The following ZSCAN5A variants were observed in gnomAD, a reference collection of about 807,000 sequenced individuals.
The protein encoded by ZSCAN5A is zinc finger and SCAN domain containing 5A.
In ZSCAN5A, 12 loss-of-function variants were observed where a neutral mutation model predicts 23.7. The ratio of observed to expected loss-of-function variants is 0.51; its 90% CI spans 0.32 to 0.82. The LOEUF (loss-of-function observed/expected upper bound fraction) is 0.82, where lower values mean the gene tolerates loss of function less well. Ranked by LOEUF, ZSCAN5A falls within the 40% of genes least tolerant of loss-of-function variation. ZSCAN5A has a pLI of 0.03. For missense variants in ZSCAN5A, 597 were observed against 617.9 expected, an observed-to-expected ratio of 0.97 and a Z score of 0.36; for synonymous variants, 257 against 239.9, an observed-to-expected ratio of 1.07 and a Z score of -0.66.
At chr19:56,288,483 G>C (rs567965075) in intron 2 of ZSCAN5A, among the ~76,000 whole-genome samples, 1 of 152,254 alleles carries the variant, frequency 6.6e-6, no homozygotes, top group East Asian at 1.9e-4. Context: ...GAACCCAGCA[G>C]GTCTACCCAG....
At chr19:56,324,607 A>G (rs1051879214) in intron 2 of ZSCAN5A, among the ~76,000 whole-genome samples, 1 of 148,856 alleles carries the variant, frequency 6.7e-6, no homozygotes, top group Non-Finnish European at 1.5e-5. Flanking sequence ...TAGAATCCCC[A>G]TGTGACTGGC....
rs55780349 is a variant in ZSCAN5A at position 56,231,691 on chromosome 19, T to C, written c.-127-6518A>G. Among the ~76,000 whole-genome samples, 1,476 of 152,380 alleles carry C rather than the reference T, an allele frequency of 9.7e-3. 25 individuals carry two copies. Among genetic ancestry groups the C allele is most frequent in the African/African-American group, 0.034 (1,409 of 41,592 alleles). On this transcript the variant is annotated intron_variant, in intron 2 of 5. Coordinates refer to ENST00000683990, the MANE Select transcript of ZSCAN5A (RefSeq NM_001322064.3). Reference sequence around the variant, plus strand: ...TGTGTTTATTGACATGAATTTCACGTGACATAAAATTAACTGTTTTATCTG... The same window carrying C: ...TGTGTTTATTGACATGAATTTCACGCGACATAAAATTAACTGTTTTATCTG...
chr19:56,364,548 T>G (rs1349194371), intron 1 of ZSCAN5A, among the ~76,000 whole-genome samples: 1 of 152,164 alleles, frequency 6.6e-6, no homozygotes, highest in Non-Finnish European at 1.5e-5. Context: ...AAACTGACAG[T>G]TTTTTAAAAA....
intron 1 of ZSCAN5A, chr19:56,314,231 A>G (rs2041223143): frequency 6.6e-6 from 1 of 152,228 alleles, no homozygotes; most frequent in South Asian, 2.1e-4. Context: ...CAGTGAATGA[A>G]TGAATGCACA....
intron 2 of ZSCAN5A, chr19:56,302,199 A>C: frequency 1.3e-6 from 1 of 766,454 alleles, no homozygotes; most frequent in Non-Finnish European, 1.8e-6. Flanking sequence ...AGAGGTGCCA[A>C]GCAGGAAGTG....
In ZSCAN5A at chr19:56,221,338, G is replaced by T; in HGVS notation, c.*237C>A. On this transcript the variant is annotated 3_prime_UTR_variant, in exon 6 of 6. Coordinates refer to ENST00000683990, the MANE Select transcript of ZSCAN5A (RefSeq NM_001322064.3). ...AAAACTAATAAGATGATCGTTTATTGGAAGAACAGCAACACAAACCAAAAT... is the reference window on the plus strand; with the variant it reads ...AAAACTAATAAGATGATCGTTTATTTGAAGAACAGCAACACAAACCAAAAT... The T allele has an allele frequency of 2.2e-6, 1 of 452,498 alleles. No homozygotes were observed. Among genetic ancestry groups the T allele is most frequent in the Non-Finnish European group, 3.8e-6 (1 of 260,664 alleles). The allele number at this position is 452,498 out of a possible 1,614,324, so 28.0% of individuals were successfully genotyped here.
intron 2 of ZSCAN5A, among the ~76,000 whole-genome samples, chr19:56,355,088 A>AAACTCAGCCCTGGATCAACTGG (rs1555814359): frequency 2.0e-5 from 3 of 149,782 alleles, no homozygotes; most frequent in South Asian, 2.1e-4. Context: ...TTTGAAACCC[A>AAACTCAGCCCTGGATCAACTGG]ACGTGGTTTT....
upstream of ZSCAN5A, among the ~76,000 whole-genome samples, chr19:56,319,498 G>GAAAA (rs57164685): frequency 1.3e-4 from 10 of 78,420 alleles, no homozygotes; most frequent in African/African-American, 2.4e-4. Context: ...TCCATCTCGG[G>GAAAA]AAAAAAAAAA....
chr19:56,283,337 G>A (rs1293309294), intron 2 of ZSCAN5A: 1 of 152,076 alleles, frequency 6.6e-6, no homozygotes. Context: ...GCTAGGCTAA[G>A]TACTCAATCT....
At chr19:56,238,377 A>G (rs1386301079) in intron 2 of ZSCAN5A, among the ~76,000 whole-genome samples, 1 of 152,204 alleles carries the variant, frequency 6.6e-6, no homozygotes, top group East Asian at 1.9e-4. Flanking sequence ...ATATGTAAAC[A>G]CCAGCATGGT....
intron 2 of ZSCAN5A, among the ~76,000 whole-genome samples, chr19:56,323,109 T>A (rs902964109): frequency 6.6e-6 from 1 of 152,090 alleles, no homozygotes; most frequent in Non-Finnish European, 1.5e-5. Context: ...TTAGCCAGGA[T>A]GGTCTCGATC....
intron 2 of ZSCAN5A, among the ~76,000 whole-genome samples, chr19:56,349,011 C>T (rs2041651323): frequency 6.6e-6 from 1 of 152,164 alleles, no homozygotes; most frequent in African/African-American, 2.4e-5. Flanking sequence ...GGATGGCAAA[C>T]TCTATTTGCC....
intron 2 of ZSCAN5A, among the ~76,000 whole-genome samples, chr19:56,258,470 G>A (rs1437866159): frequency 1.4e-5 from 2 of 146,200 alleles, no homozygotes; most frequent in Non-Finnish European, 3.0e-5. Context: ...AGTGTGGGGG[G>A]TGACAGAGAC....
chr19:56,288,525 T>C (rs1309312562), intron 2 of ZSCAN5A, among the ~76,000 whole-genome samples: 1 of 152,198 alleles, frequency 6.6e-6, no homozygotes, highest in East Asian at 1.9e-4. Flanking sequence ...CCACTTTTGA[T>C]GCTTTTGCTG....
intron 2 of ZSCAN5A, chr19:56,320,654 C>A: frequency 2.6e-6 from 2 of 761,320 alleles, no homozygotes; most frequent in South Asian, 1.3e-5. Context: ...GCGAGTACAA[C>A]GTGAAATCAT....
chr19:56,359,947 A>G (rs1417968506), intron 2 of ZSCAN5A, among the ~76,000 whole-genome samples: 1 of 152,216 alleles, frequency 6.6e-6, no homozygotes, highest in East Asian at 1.9e-4. Context: ...GCCATTTATG[A>G]CAAACCGACA....
At chr19:56,343,451 C>T (rs983176114) in intron 2 of ZSCAN5A, 4 of 484,708 alleles carry the variant, frequency 8.3e-6, no homozygotes, top group Non-Finnish European at 1.7e-5. Context: ...AAGTTTCTTC[C>T]TGGGCTACCA....
intron 2 of ZSCAN5A, among the ~76,000 whole-genome samples, chr19:56,354,973 C>T (rs950999934): frequency 5.9e-5 from 9 of 152,294 alleles, no homozygotes; most frequent in Middle Eastern, 3.4e-3. Flanking sequence ...ATCCTGGCTA[C>T]ATCCCCAAAA....
chr19:56,242,080 A>G (rs1245820177), intron 2 of ZSCAN5A, among the ~76,000 whole-genome samples: 1 of 152,062 alleles, frequency 6.6e-6, no homozygotes, highest in African/African-American at 2.4e-5. Flanking sequence ...CGGATCATGC[A>G]GTTGTTGGAC....
Sources: allele counts gnomAD v4.1 joint callset (sites outside exome capture counted in the v4.1 genomes callset), GRCh38; gene constraint gnomAD v4.1.1; transcripts MANE v1.5; gene names NCBI Gene and HGNC (gene_info 2026-07-23, HGNC 2026-07-21).